DLGAP2: variants seen among roughly 807,000 people sequenced by gnomAD.
DLGAP2 encodes disks large-associated protein 2.
In DLGAP2, 26 loss-of-function variants were observed where a neutral mutation model predicts 100.3. The observed-to-expected ratio is 0.26, with a 90% CI of 0.19 to 0.36. DLGAP2 has a LOEUF of 0.36. DLGAP2 is among the 10% of genes least tolerant of loss of function. DLGAP2 has a pLI of 1.00. For missense variants in DLGAP2, 1,858 were observed against 1,453.2 expected (o/e 1.28, Z -4.53); for synonymous variants, 886 against 630.1 (o/e 1.41, Z -6.08).
At chr8:1,580,560 C>T (rs1434452860) in intron 6 of DLGAP2, among the ~76,000 whole-genome samples, 1 of 152,146 alleles carries the variant, frequency 6.6e-6, no homozygotes, top group Non-Finnish European at 1.5e-5. Flanking sequence ...ACAGAAGAAA[C>T]GTGGGAAGCA....
chr8:775,012 T>A (rs1288446663), intron 1 of DLGAP2, among the ~76,000 whole-genome samples: 4 of 152,064 alleles, frequency 2.6e-5, no homozygotes, highest in Non-Finnish European at 5.9e-5. Flanking sequence ...GTTTGTATCC[T>A]CTTTTATTTC....
chr8:1,589,786 C>A (rs1796236227), intron 6 of DLGAP2, among the ~76,000 whole-genome samples: 2 of 152,146 alleles, frequency 1.3e-5, no homozygotes, highest in African/African-American at 4.8e-5. Flanking sequence ...GCTGTTAGCA[C>A]CGGGGAATCC....
rs185354676 is a variant in DLGAP2, at chr8:1,346,663, A to G, written c.106+87780A>G. ...CATTGCACTCACGGTAGCTGTGTGG[A>G]GGTTGAGTTCCCATACAGAGCTGCT... On this transcript the variant is annotated intron_variant, in intron 3 of 14. Transcript: ENST00000637795. 2.7e-4 allele frequency among the ~76,000 whole-genome samples: 40 copies of G among 150,490 alleles called. No homozygotes were observed. In the East Asian group the frequency reaches 6.5e-3, roughly 25 times the overall value.
At chr8:977,129 T>A (rs1161212981) in intron 2 of DLGAP2, among the ~76,000 whole-genome samples, 1 of 152,228 alleles carries the variant, frequency 6.6e-6, no homozygotes, top group South Asian at 2.1e-4. Context: ...GCTTCTTGCA[T>A]TTCTTCACCT....
intron 2 of DLGAP2, among the ~76,000 whole-genome samples, chr8:1,203,836 CAG>C (rs1325400431): frequency 2.0e-5 from 3 of 152,128 alleles, no homozygotes; most frequent in Non-Finnish European, 4.4e-5. Flanking sequence ...GTGCAGCAGT[CAG>C]GGGGCTGGAT....
chr8:1,168,242 T>C (rs956781081), intron 2 of DLGAP2, among the ~76,000 whole-genome samples: 6 of 151,986 alleles, frequency 3.9e-5, no homozygotes, highest in African/African-American at 1.2e-4. Context: ...TAGTATTCCA[T>C]GGTGTATAGG....
intron 2 of DLGAP2, among the ~76,000 whole-genome samples, chr8:1,004,842 A>G (rs1287847114): frequency 6.6e-6 from 1 of 152,168 alleles, no homozygotes; most frequent in South Asian, 2.1e-4. Context: ...AGGCATTATC[A>G]TATGTTTTGT....
chr8:1,009,747 C>A (rs1563141968), intron 2 of DLGAP2, among the ~76,000 whole-genome samples: 1 of 152,244 alleles, frequency 6.6e-6, no homozygotes, highest in South Asian at 2.1e-4. Context: ...TGGGCCACCT[C>A]TCATTTGTCT....
chr8:1,058,362 G>A (rs927079024), intron 2 of DLGAP2, among the ~76,000 whole-genome samples: 5 of 152,190 alleles, frequency 3.3e-5, no homozygotes, highest in Non-Finnish European at 5.9e-5. Context: ...TCCGACGGGC[G>A]ACCTGACTGC....
chr8:1,290,098 C>T (rs940606621), intron 3 of DLGAP2, among the ~76,000 whole-genome samples: 1 of 152,108 alleles, frequency 6.6e-6, no homozygotes, highest in Non-Finnish European at 1.5e-5. Context: ...TTATTCCTAC[C>T]TGGGCTGCAG....
intron 2 of DLGAP2, among the ~76,000 whole-genome samples, chr8:997,393 A>C (rs1371716448): frequency 6.6e-6 from 1 of 152,184 alleles, no homozygotes; most frequent in East Asian, 1.9e-4. Context: ...ATCTTTTTTT[A>C]AATGAAAAGA....
intron 2 of DLGAP2, among the ~76,000 whole-genome samples, chr8:1,150,571 A>T (rs944505519): frequency 2.6e-5 from 4 of 152,242 alleles, no homozygotes; most frequent in African/African-American, 4.8e-5. Flanking sequence ...ATCATGCCTC[A>T]TTCCTATGAA....
rs560838473 is a variant in DLGAP2 at position 749,609 on chromosome 8, ATGTT to A, written c.18+11787_18+11790del. On this transcript the variant is annotated intron_variant, in intron 1 of 14. Transcript: ENST00000637795. ...TTTGACATTTCAGTTACTTACAAAA[ATGTT>A]TGGCCATTGTTCTGGGGTTAATGTA... is the stretch of plus-strand genomic sequence containing the variant. Among the ~76,000 whole-genome samples the A allele has an allele frequency of 5.3e-5, 8 of 152,324 alleles. No homozygotes were observed. In the East Asian group the frequency reaches 1.5e-3, roughly 29 times the overall value.
chr8:874,673 C>G (rs546951624), intron 1 of DLGAP2, among the ~76,000 whole-genome samples: 1 of 152,114 alleles, frequency 6.6e-6, no homozygotes, highest in Admixed American at 6.6e-5. Context: ...TTGAGAAGAT[C>G]GTATATTCTG....
At chr8:1,522,034 C>T (rs925191073) in intron 4 of DLGAP2, among the ~76,000 whole-genome samples, 3 of 143,074 alleles carry the variant, frequency 2.1e-5, no homozygotes, top group Non-Finnish European at 4.6e-5. Context: ...TTTGGGGCGT[C>T]TCTGGTTTGC....
At chr8:1,513,248 G>A (rs1303985766) in intron 4 of DLGAP2, among the ~76,000 whole-genome samples, 2 of 139,098 alleles carry the variant, frequency 1.4e-5, no homozygotes, top group Non-Finnish European at 3.2e-5. Context: ...AGGGCAAGAC[G>A]AGAGAGGCCA....
chr8:1,363,907 G>A (rs368798924), intron 3 of DLGAP2, among the ~76,000 whole-genome samples: 8 of 152,098 alleles, frequency 5.3e-5, no homozygotes, highest in Non-Finnish European at 2.9e-5. Context: ...AGGTTGTGCC[G>A]GCTGGGGGGT....
chr8:1,088,485 C>G (rs1804051694), intron 2 of DLGAP2, among the ~76,000 whole-genome samples: 1 of 152,194 alleles, frequency 6.6e-6, no homozygotes, highest in African/African-American at 2.4e-5. Flanking sequence ...GAATTTTAGT[C>G]TTTCTCTGTC....
chr8:1,279,997 T>C (rs1375761943), intron 3 of DLGAP2, among the ~76,000 whole-genome samples: 1 of 152,176 alleles, frequency 6.6e-6, no homozygotes, highest in East Asian at 1.9e-4. Context: ...AGAAGTAACA[T>C]GAACAAAAGT....
Sources: allele counts gnomAD v4.1 joint callset (sites outside exome capture counted in the v4.1 genomes callset), GRCh38; gene constraint gnomAD v4.1.1; transcripts MANE v1.5; gene names NCBI Gene and HGNC (gene_info 2026-07-23, HGNC 2026-07-21).